Variants in XRRA1 observed in about 807,000 individuals in gnomAD.
The protein encoded by XRRA1 is X-ray radiation resistance associated 1.
Under a neutral mutation model 80.2 loss-of-function variants are expected in XRRA1, and 69 were observed. The observed-to-expected ratio is 0.86, with a 90% confidence interval of 0.71 to 1.05. XRRA1 has a LOEUF of 1.05. Among genes scored for constraint, XRRA1 ranks in the 50% least tolerant of loss-of-function variants. The pLI is 0.00. For synonymous variants in XRRA1, 348 were observed against 389.9 expected, an observed-to-expected ratio of 0.89 and a Z score of 1.27; for missense variants, 967 against 976.4, an observed-to-expected ratio of 0.99 and a Z score of 0.13.
At position 74,930,450 on chromosome 11, in the gene XRRA1, G is replaced by A. The variant is rs190359397; in HGVS notation, c.352-78C>T. 2,033 of 1,161,926 alleles carry A rather than the reference G, an allele frequency of 1.7e-3. 10 individuals carry two copies. Among genetic ancestry groups the A allele is most frequent in the South Asian group, 7.7e-3 (536 of 69,698 alleles). 72.0% of individuals were successfully genotyped at this position (1,161,926 alleles called of 1,614,324 possible). A position where few individuals can be genotyped will look rare whatever the true frequency, so the allele number is the denominator to read the frequency against. ...CCTAGAAGCCTTGCTGAAGCTTCAG[G>A]GCCACTGTCAGAAGAAACAAAGACC... On this transcript the variant is annotated intron_variant, in intron 5 of 18. Transcript: ENST00000684022.
At position 74,841,997 on chromosome 11, in the gene XRRA1, A is replaced by G. The variant is rs2036622676; in HGVS notation, c.*1203T>C. ...TGCAAGGGAAAAAAATTTAAATGCC[A>G]ACGAATAGTTTTTTTTTTTTTGAAC... is the stretch of plus-strand genomic sequence containing the variant. On this transcript the variant is annotated 3_prime_UTR_variant, in exon 19 of 19. Transcript: ENST00000684022. The G allele has an allele frequency of 6.6e-6, 1 of 151,154 alleles. No homozygotes were observed. The highest frequency in any genetic ancestry group is 2.5e-5 in the African/African-American group (1 of 40,428). The allele number at this position is 151,154 out of a possible 1,614,324, so 9.4% of individuals were successfully genotyped here. A position where few individuals can be genotyped will look rare whatever the true frequency, so the allele number is the denominator to read the frequency against.
chr11:74,895,388 G>A (rs1249288171), intron 10 of XRRA1, among the ~76,000 whole-genome samples: 1 of 152,246 alleles, frequency 6.6e-6, no homozygotes, highest in Non-Finnish European at 1.5e-5. Context: ...CCCCTAGCCA[G>A]AGGGGAATCA....
chr11:74,865,510 C>T (rs1231164912), intron 10 of XRRA1, among the ~76,000 whole-genome samples: 1 of 152,140 alleles, frequency 6.6e-6, no homozygotes, highest in Non-Finnish European at 1.5e-5. Context: ...GTGTGCCTGT[C>T]TGAACCACCA....
chr11:74,943,021 C>T (rs894420132), intron 2 of XRRA1, among the ~76,000 whole-genome samples: 1 of 152,162 alleles, frequency 6.6e-6, no homozygotes, highest in Non-Finnish European at 1.5e-5. Context: ...GGGCAGGCTC[C>T]TTCAGGGACA....
chr11:74,918,065 A>AGCAACCCAG (rs929766103), intron 8 of XRRA1, among the ~76,000 whole-genome samples: 1 of 152,180 alleles, frequency 6.6e-6, no homozygotes, highest in Non-Finnish European at 1.5e-5. Context: ...TGAAGACTAC[A>AGCAACCCAG]GCAACCCAGT....
chr11:74,862,879 TC>T (rs2042598109), intron 11 of XRRA1, 101 bp downstream of exon 11: 6 of 1,053,982 alleles, frequency 5.7e-6, no homozygotes, highest in Non-Finnish European at 8.2e-6. Flanking sequence ...CTCAGTGTGA[TC>T]TATAGAAATG....
chr11:74,843,314 G>C lies in XRRA1; in HGVS notation c.2289C>G (p.Thr763=), dbSNP rs772030172. 1.2e-6 allele frequency: 2 copies of C among 1,605,474 alleles called. No homozygotes were observed. Among genetic ancestry groups the C allele is most frequent in the Admixed American group, 3.4e-5 (2 of 58,742 alleles). Residue 763 remains threonine, a synonymous_variant, in exon 19 of 19, where the codon ACC becomes ACG. Transcript: ENST00000684022. ...GCGCTGGGCAGGCCATGGGGAGCGG[G>C]GTAGTCCCGAACACTGTGCGCAGAG... ...SGSLRTVFGT[T]PLPMACPALS...
chr11:74,923,378 A>T (rs1941409106), intron 7 of XRRA1, among the ~76,000 whole-genome samples: 1 of 152,184 alleles, frequency 6.6e-6, no homozygotes, highest in Non-Finnish European at 1.5e-5. Flanking sequence ...TCAGACAATG[A>T]GGCAATCCCA....
intron 8 of XRRA1, among the ~76,000 whole-genome samples, chr11:74,914,641 G>C (rs929823825): frequency 6.6e-6 from 1 of 151,624 alleles, no homozygotes; most frequent in Non-Finnish European, 1.5e-5. Context: ...TCTATGAATA[G>C]AGCCTTTTCT....
intron 10 of XRRA1, among the ~76,000 whole-genome samples, chr11:74,868,148 G>A (rs2136147483): frequency 6.6e-6 from 1 of 152,102 alleles, no homozygotes; most frequent in Non-Finnish European, 1.5e-5. Context: ...TGAACTTCTG[G>A]CCTCAAGTGA....
In XRRA1 at chr11:74,906,230, G is replaced by T. The variant is rs1156294385; in HGVS notation, c.1003+9C>A. The T allele has an allele frequency of 2.5e-6, 4 of 1,610,982 alleles. No individual in the cohort carries two copies. Among genetic ancestry groups the T allele is most frequent in the Non-Finnish European group, 3.4e-6 (4 of 1,177,844 alleles). The stretch of plus-strand genomic sequence containing the variant: ...GGGTAGAATTTCTGGGACAAGGGGT[G>T]TCACTCACCTGTCCGGTCAACATCC... On this transcript the variant is annotated intron_variant, in intron 10 of 18. Transcript: ENST00000684022.
In XRRA1 at chr11:74,859,302, T is replaced by C; in HGVS notation, c.1045-19A>G. ...TGGTTGTCTTAGAAAGAAGGAAAAGTCAAAATCAAAGTGCCCGATAATAAA... is the reference window on the plus strand; with the variant it reads ...TGGTTGTCTTAGAAAGAAGGAAAAGCCAAAATCAAAGTGCCCGATAATAAA... On this transcript the variant is annotated intron_variant, in intron 11 of 18. Transcript: ENST00000684022. 6.3e-7 allele frequency: 1 copy of C among 1,595,628 alleles called. No individual in the cohort carries two copies. Among genetic ancestry groups the C allele is most frequent in the Non-Finnish European group, 8.5e-7 (1 of 1,171,784 alleles).
At chr11:74,948,694 T>C (rs1180198015) in intron 1 of XRRA1, among the ~76,000 whole-genome samples, 1 of 152,190 alleles carries the variant, frequency 6.6e-6, no homozygotes, top group Non-Finnish European at 1.5e-5. Flanking sequence ...AGAGGATGGC[T>C]GGAAGTGCAC....
chr11:74,894,796 C>A (rs564511572), intron 10 of XRRA1, among the ~76,000 whole-genome samples: 3 of 152,224 alleles, frequency 2.0e-5, no homozygotes, highest in African/African-American at 7.2e-5. Flanking sequence ...TCAAGATTTT[C>A]TCTTAAAAAT....
intron 12 of XRRA1, 31 bp downstream of exon 12, chr11:74,859,127 C>T: frequency 1.9e-6 from 3 of 1,564,432 alleles, no homozygotes; most frequent in Non-Finnish European, 2.6e-6. Context: ...ATCTGTGCCC[C>T]TGAGTAAACA....
chr11:74,843,626 T>C (rs1393147092), intron 18 of XRRA1, 173 bp from the exon 19 acceptor site: 2 of 916,720 alleles, frequency 2.2e-6, no homozygotes, highest in African/African-American at 1.7e-5. Flanking sequence ...CTACTGCCCC[T>C]ATGCATTGAC....
chr11:74,848,207 G>C lies in XRRA1; in HGVS notation c.1636C>G (p.Leu546Val). Residue 546 changes from leucine (L) to valine (V), a missense_variant, in exon 15 of 19, where the codon CTG becomes GTG. Leu to Val is a conservative substitution (Grantham distance 32). Transcript: ENST00000684022. ...ACAGTTGTGTCACTCAGGTGGGACA[G>C]GGTCTCTTCACTATGCACAGTGGAG... ...SNSTVHSEET[L>V]SHLSDTTVRL... 1 of 1,613,932 alleles carries C rather than the reference G, an allele frequency of 6.2e-7. No individual in the cohort carries two copies. The highest frequency in any genetic ancestry group is 8.5e-7 in the Non-Finnish European group (1 of 1,179,882).
intron 2 of XRRA1, 82 bp from the exon 3 acceptor site, chr11:74,940,964 GC>G: frequency 9.4e-7 from 1 of 1,059,408 alleles, no homozygotes; most frequent in Non-Finnish European, 1.4e-6. Flanking sequence ...CAGCTCATGA[GC>G]CCACCAGGAC....
At chr11:74,944,950 G>T (rs923708949) in intron 2 of XRRA1, 68 bp downstream of exon 2, 7 of 152,462 alleles carry the variant, frequency 4.6e-5, no homozygotes, top group African/African-American at 1.7e-4. Context: ...AAATATGATG[G>T]CTGTTGGAGA....
Sources: allele counts gnomAD v4.1 joint callset (sites outside exome capture counted in the v4.1 genomes callset), GRCh38; gene constraint gnomAD v4.1.1; transcripts MANE v1.5; gene names NCBI Gene and HGNC (gene_info 2026-07-23, HGNC 2026-07-21).